Variants in BTBD9 observed in about 807,000 individuals in gnomAD.
BTBD9 encodes BTB/POZ domain-containing protein 9.
In BTBD9, 49 loss-of-function variants were observed where a neutral mutation model predicts 64.3. The observed-to-expected ratio is 0.76, with a 90% CI of 0.61 to 0.97. The LOEUF (loss-of-function observed/expected upper bound fraction) is 0.97, where lower values mean the gene tolerates loss of function less well. Ranked by LOEUF, BTBD9 falls within the 50% of genes least tolerant of loss-of-function variation. The pLI is 0.00. For missense variants in BTBD9, 598 were observed against 762.1 expected, an observed-to-expected ratio of 0.78 and a Z score of 2.53; for synonymous variants, 260 against 274.7, an observed-to-expected ratio of 0.95 and a Z score of 0.53.
At chr6:38,224,220 A>G (rs1368252348) in intron 9 of BTBD9, among the ~76,000 whole-genome samples, 1 of 152,164 alleles carries the variant, frequency 6.6e-6, no homozygotes, top group Non-Finnish European at 1.5e-5. Flanking sequence ...CTCAAAAGAA[A>G]AAAAAAACTT....
intron 7 of BTBD9, among the ~76,000 whole-genome samples, chr6:38,322,273 T>C (rs1763267667): frequency 6.6e-6 from 1 of 152,152 alleles, no homozygotes; most frequent in African/African-American, 2.4e-5. Context: ...TCTTCCGTTA[T>C]TTCCAACTCT....
At chr6:38,279,480 C>T (rs1478808699) in intron 8 of BTBD9, among the ~76,000 whole-genome samples, 1 of 151,958 alleles carries the variant, frequency 6.6e-6, no homozygotes, top group African/African-American at 2.4e-5. Flanking sequence ...TCAGTTTTTT[C>T]AGAATAGCTT....
intron 6 of BTBD9, among the ~76,000 whole-genome samples, chr6:38,361,701 G>A (rs1415273272): frequency 1.3e-5 from 2 of 152,034 alleles, no homozygotes; most frequent in African/African-American, 4.8e-5. Context: ...TTAGGCAGGC[G>A]TGGTGGTGCA....
chr6:38,468,370 A>G (rs1582479463), intron 6 of BTBD9, among the ~76,000 whole-genome samples: 1 of 152,328 alleles, frequency 6.6e-6, no homozygotes, highest in East Asian at 1.9e-4. Context: ...TATTGCAGCC[A>G]AACTGAAGCA....
At chr6:38,287,439 C>A (rs1291663224) in intron 8 of BTBD9, among the ~76,000 whole-genome samples, 2 of 151,814 alleles carry the variant, frequency 1.3e-5, no homozygotes, top group Non-Finnish European at 2.9e-5. Flanking sequence ...GGCACCGTGC[C>A]CAGGCACCAT....
intron 7 of BTBD9, among the ~76,000 whole-genome samples, chr6:38,292,260 G>A (rs10947725): frequency 0.33 from 49,513 of 152,030 alleles, 9,486 homozygotes; most frequent in Non-Finnish European, 0.45. Flanking sequence ...CACCACGCCC[G>A]GCTGAAATTT....
chr6:38,245,633 C>T lies in BTBD9; in HGVS notation c.1562+10776G>A, dbSNP rs150827524. Among the ~76,000 whole-genome samples the T allele has an allele frequency of 1.4e-4, 22 of 151,944 alleles. No individual in the cohort carries two copies. In the East Asian group the frequency reaches 2.5e-3, roughly 17 times the overall value. On this transcript the variant is annotated intron_variant, in intron 9 of 10. Transcript: ENST00000481247. The stretch of plus-strand genomic sequence containing the variant: ...AAGCAGTGCAGGGTCCTAAGCAGGA[C>T]GATACTAGAGTTGTGCTTGAAAAGT...
intron 9 of BTBD9, among the ~76,000 whole-genome samples, chr6:38,199,648 T>C (rs1762388446): frequency 6.6e-6 from 1 of 152,138 alleles, no homozygotes; most frequent in African/African-American, 2.4e-5. Flanking sequence ...GTCTCTTGGG[T>C]AAGGTGACAA....
chr6:38,631,856 C>T (rs1000832505), intron 1 of BTBD9, among the ~76,000 whole-genome samples: 1 of 152,234 alleles, frequency 6.6e-6, no homozygotes, highest in Non-Finnish European at 1.5e-5. Context: ...TGGCTGGGCA[C>T]GGTGGCTCAC....
chr6:38,252,279 C>T (rs972109734), intron 9 of BTBD9, among the ~76,000 whole-genome samples: 1 of 152,204 alleles, frequency 6.6e-6, no homozygotes, highest in Non-Finnish European at 1.5e-5. Flanking sequence ...TATAACCGCA[C>T]GCACTCTGTT....
intron 6 of BTBD9, among the ~76,000 whole-genome samples, chr6:38,354,009 C>A (rs958932556): frequency 1.3e-5 from 2 of 151,056 alleles, no homozygotes; most frequent in African/African-American, 4.9e-5. Context: ...CTTTTTTTTT[C>A]TTTTAGAGTA....
rs149776883 is a variant in BTBD9, at chr6:38,341,456, T to C, written c.1264+3528A>G. 1.9e-3 allele frequency among the ~76,000 whole-genome samples: 282 copies of C among 152,336 alleles called. 1 individual carries two copies. The highest frequency in any genetic ancestry group is 6.4e-3 in the African/African-American group (265 of 41,578). ...AGATAAAACTAGGTTAGCTGTGAAT[T>C]GATAATTTTTTAAAGCTGGGTGATA... On this transcript the variant is annotated intron_variant, in intron 7 of 10. Coordinates refer to ENST00000481247, the MANE Select transcript of BTBD9 (RefSeq NM_001099272.2).
At position 38,393,078 on chromosome 6, in the gene BTBD9, G is replaced by T. The variant is rs1766506160; in HGVS notation, c.1155-47985C>A. On this transcript the variant is annotated intron_variant, in intron 6 of 10. Transcript: ENST00000481247. ...TTTAGTAGAGACAGGGTTTCGCCAT[G>T]TTGGCTAGGCTGGTCTTGAACTCCT... 1.3e-5 allele frequency among the ~76,000 whole-genome samples: 2 copies of T among 152,200 alleles called. 1 individual carries two copies. Among genetic ancestry groups the T allele is most frequent in the South Asian group, 4.1e-4 (2 of 4,828 alleles).
chr6:38,313,932 T>C (rs1470120138), intron 7 of BTBD9, among the ~76,000 whole-genome samples: 2 of 151,482 alleles, frequency 1.3e-5, no homozygotes, highest in Non-Finnish European at 2.9e-5. Context: ...GTATTTTTAG[T>C]AGAGATGGGG....
chr6:38,471,120 A>T (rs927514833), intron 6 of BTBD9, among the ~76,000 whole-genome samples: 1 of 152,094 alleles, frequency 6.6e-6, no homozygotes, highest in Non-Finnish European at 1.5e-5. Context: ...CAATGGCCTT[A>T]ATTTTCTGCA....
intron 8 of BTBD9, among the ~76,000 whole-genome samples, chr6:38,276,449 G>A (rs1397118006): frequency 1.3e-5 from 2 of 151,874 alleles, no homozygotes; most frequent in African/African-American, 4.8e-5. Context: ...GTATACATAT[G>A]TAACAAAGCT....
chr6:38,587,352 G>T, intron 4 of BTBD9: 1 of 462,286 alleles, frequency 2.2e-6, no homozygotes, highest in South Asian at 1.8e-5. Flanking sequence ...TAAGTGGGAA[G>T]GTAATCATGA....
intron 10 of BTBD9, among the ~76,000 whole-genome samples, chr6:38,189,737 A>G (rs1368234576): frequency 6.6e-6 from 1 of 151,924 alleles, no homozygotes; most frequent in African/African-American, 2.4e-5. Context: ...GCAGTGGCAC[A>G]ATCTTGGCTC....
chr6:38,454,236 T>C (rs554616837), intron 6 of BTBD9, among the ~76,000 whole-genome samples: 12 of 152,258 alleles, frequency 7.9e-5, no homozygotes, highest in Admixed American at 4.6e-4. Context: ...AGCTATTTTA[T>C]TGCATATAAG....
Sources: gnomAD v4.1 joint callset for allele counts (sites outside exome capture counted in the v4.1 genomes callset) on GRCh38, gnomAD v4.1.1 for gene constraint, MANE v1.5 for transcripts, NCBI Gene and HGNC (gene_info 2026-07-23, HGNC 2026-07-21) for gene names.